Variants in SCGN observed in about 807,000 individuals in gnomAD.
SCGN encodes secretagogin.
In SCGN, 30 loss-of-function variants were observed where a neutral mutation model predicts 39.7. That is an observed-to-expected ratio of 0.76 (90% CI 0.57 to 1.03). The LOEUF (loss-of-function observed/expected upper bound fraction) is 1.03. SCGN is among the 50% of genes least tolerant of loss of function. The probability of loss-of-function intolerance (pLI) is 0.00; values close to 1 mark genes in which losing one functional copy is unlikely to be tolerated. For synonymous variants in SCGN, 106 were observed against 114.1 expected (o/e 0.93, Z 0.45); for missense variants, 353 against 349.4 (o/e 1.01, Z -0.08).
intron 6 of SCGN, among the ~76,000 whole-genome samples, chr6:25,680,064 C>A (rs1759619201): frequency 6.6e-6 from 1 of 152,046 alleles, no homozygotes; most frequent in South Asian, 2.1e-4. Flanking sequence ...ATTTTTTTTA[C>A]ATTATAAGGA....
Position 25,672,463 on chromosome 6 carries a change from G to A in SCGN, c.471+2387G>A, listed in dbSNP as rs1036931778. Among the ~76,000 whole-genome samples, 3 of 152,198 alleles carry A rather than the reference G, an allele frequency of 2.0e-5. No individual in the cohort carries two copies. The East Asian group carries it at 5.8e-4, about 29-fold the overall frequency. On this transcript the variant is annotated intron_variant, in intron 6 of 10. Coordinates refer to ENST00000377961, the MANE Select transcript of SCGN (RefSeq NM_006998.4). ...TGGGGTAGGGGACTGGGAAGAAGGGGTACTTTTCAATAAGATGGTCAGGGT... is the reference window on the plus strand; with the variant it reads ...TGGGGTAGGGGACTGGGAAGAAGGGATACTTTTCAATAAGATGGTCAGGGT...
Position 25,691,050 on chromosome 6 carries a change from T to G in SCGN, c.634-6T>G, listed in dbSNP as rs1285782873. 1 of 1,611,678 alleles carries G rather than the reference T, an allele frequency of 6.2e-7. No homozygotes were observed. The highest frequency in any genetic ancestry group is 8.5e-7 in the Non-Finnish European group (1 of 1,178,802). Reference sequence around the variant, plus strand: ...TATTTGGGCAATTGGATCTTTTCTTTTTCAGAGTAAAACAGGAGCCCTGGA... The same window carrying G: ...TATTTGGGCAATTGGATCTTTTCTTGTTCAGAGTAAAACAGGAGCCCTGGA... On this transcript the variant is annotated splice_polypyrimidine_tract_variant and splice_region_variant and intron_variant, in intron 9 of 10. Transcript: ENST00000377961.
At chr6:25,665,180 A>G in intron 4 of SCGN, 148 bp downstream of exon 4, 1 of 604,710 alleles carries the variant, frequency 1.7e-6, no homozygotes, top group Non-Finnish European at 2.9e-6. Flanking sequence ...TGCCTTAGTG[A>G]TGAGGACTTT....
intron 2 of SCGN, among the ~76,000 whole-genome samples, 160 bp downstream of exon 2, chr6:25,653,612 A>AG (rs1378141578): frequency 1.3e-5 from 2 of 152,176 alleles, no homozygotes; most frequent in African/African-American, 4.8e-5. Flanking sequence ...GGATTTAGGC[A>AG]GTTTTTATAA....
At chr6:25,678,822 T>C (rs1168236896) in intron 6 of SCGN, 1 of 154,264 alleles carries the variant, frequency 6.5e-6, no homozygotes, top group Non-Finnish European at 1.5e-5. Flanking sequence ...GCTCACTAGG[T>C]CCTTGGCCTT....
At position 25,701,312 on chromosome 6, in the gene SCGN, C is replaced by T. The variant is rs773878037; in HGVS notation, c.808C>T (p.Leu270Phe). ...TCAGAAGTCTGAGCTGGCTTTGTGT[C>T]TTGGGCTGAAAATCAACCCATAATC... ...KIQKSELALC[L>F]GLKINP The change falls in exon 11 of 11, where the codon CTT (leucine) becomes TTT (phenylalanine). Residue 270 changes from leucine (L) to phenylalanine (F), a missense_variant. By Grantham distance (22) the Leu-to-Phe change is conservative (BLOSUM62 0). Transcript: ENST00000377961. The T allele has an allele frequency of 5.0e-6, 8 of 1,612,754 alleles. No homozygotes were observed. Among genetic ancestry groups the T allele is most frequent in the Non-Finnish European group, 6.8e-6 (8 of 1,179,488 alleles).
At chr6:25,674,625 G>A (rs1247014610) in intron 6 of SCGN, among the ~76,000 whole-genome samples, 5 of 152,206 alleles carry the variant, frequency 3.3e-5, no homozygotes, top group Admixed American at 6.5e-5. Flanking sequence ...CTTAAGAGAT[G>A]TAACTTATTA....
intron 6 of SCGN, among the ~76,000 whole-genome samples, chr6:25,679,735 T>C (rs1398875659): frequency 3.9e-5 from 6 of 152,198 alleles, no homozygotes; most frequent in Non-Finnish European, 8.8e-5. Context: ...GAAGTTTATA[T>C]TTCTTTAGGG....
At chr6:25,678,726 G>A (rs1319163203) in intron 6 of SCGN, 1 of 152,264 alleles carries the variant, frequency 6.6e-6, no homozygotes, top group Non-Finnish European at 1.5e-5. Context: ...TTTGAACCAG[G>A]TCATCCGGAG....
chr6:25,665,555 A>T (rs1760409624), intron 4 of SCGN, among the ~76,000 whole-genome samples: 1 of 152,200 alleles, frequency 6.6e-6, no homozygotes, highest in East Asian at 1.9e-4. Flanking sequence ...GGCGGTATCA[A>T]TGGCCTCTCT....
chr6:25,695,053 G>GT (rs1004280661), intron 10 of SCGN, among the ~76,000 whole-genome samples: 1 of 152,116 alleles, frequency 6.6e-6, no homozygotes, highest in Non-Finnish European at 1.5e-5. Flanking sequence ...TTATCTTATA[G>GT]TTTTTTAATT....
Position 25,689,208 on chromosome 6 carries a change from T to A in SCGN, c.564T>A (p.Phe188Leu), listed in dbSNP as rs976372934. ...TTCAGGAAAACTTCCTTCTCCAATTTAAAATGGATGTAAGTAGTGACATTT... is the reference window on the plus strand; with the variant it reads ...TTCAGGAAAACTTCCTTCTCCAATTAAAAATGGATGTAAGTAGTGACATTT... ...LALQENFLLQ[F>L]KMDACSTEER... The change falls in exon 8 of 11, where the codon TTT becomes TTA. Residue 188 changes from phenylalanine to leucine, a missense_variant. By Grantham distance (22) the Phe-to-Leu change is conservative (BLOSUM62 0). Coordinates refer to ENST00000377961, the MANE Select transcript of SCGN (RefSeq NM_006998.4). 6.3e-7 allele frequency: 1 copy of A among 1,594,224 alleles called. No individual in the cohort carries two copies. Among genetic ancestry groups the A allele is most frequent in the Non-Finnish European group, 8.6e-7 (1 of 1,166,152 alleles).
At chr6:25,695,143 T>C (rs1386185266) in intron 10 of SCGN, among the ~76,000 whole-genome samples, 5 of 152,192 alleles carry the variant, frequency 3.3e-5, no homozygotes, top group Non-Finnish European at 5.9e-5. Context: ...TTCCCCAAGC[T>C]CTGAAAAATG....
At chr6:25,685,314 C>T (rs1303469441) in intron 7 of SCGN, among the ~76,000 whole-genome samples, 1 of 152,144 alleles carries the variant, frequency 6.6e-6, no homozygotes, top group Non-Finnish European at 1.5e-5. Flanking sequence ...TAAAACATTT[C>T]CAGATAGGAT....
At position 25,691,093 on chromosome 6, in the gene SCGN, G is replaced by A. The variant is rs752834379; in HGVS notation, c.671G>A (p.Gly224Glu). The A allele has an allele frequency of 6.2e-7, 1 of 1,613,784 alleles. No homozygotes were observed. The highest frequency in any genetic ancestry group is 8.5e-7 in the Non-Finnish European group (1 of 1,179,778). The change falls in exon 10 of 11, where the codon GGG becomes GAG. Residue 224 changes from glycine to glutamate, a missense_variant. Coordinates refer to ENST00000377961, the MANE Select transcript of SCGN (RefSeq NM_006998.4). ...GCCCTGGAAGGCCCAGAAGTGGATG[G>A]GTTTGTCAAAGACATGATGGAGCTT... ...TGALEGPEVD[G>E]FVKDMMELVQ...
chr6:25,697,456 G>T (rs1257482960), intron 10 of SCGN, among the ~76,000 whole-genome samples: 1 of 152,214 alleles, frequency 6.6e-6, no homozygotes, highest in African/African-American at 2.4e-5. Context: ...AGTTCCTCTA[G>T]TGGTCAGAAT....
At chr6:25,660,532 G>T (rs1233156491) in intron 2 of SCGN, among the ~76,000 whole-genome samples, 1 of 152,210 alleles carries the variant, frequency 6.6e-6, no homozygotes, top group Admixed American at 6.5e-5. Context: ...TTGCACCTGG[G>T]TTGTTCTGGC....
At chr6:25,694,495 G>C (rs1409305983) in intron 10 of SCGN, among the ~76,000 whole-genome samples, 1 of 152,168 alleles carries the variant, frequency 6.6e-6, no homozygotes, top group Non-Finnish European at 1.5e-5. Flanking sequence ...TAGCCTCTCT[G>C]TTTCTGTGGA....
At chr6:25,676,381 A>G (rs1225520162) in intron 6 of SCGN, among the ~76,000 whole-genome samples, 1 of 152,024 alleles carries the variant, frequency 6.6e-6, no homozygotes, top group East Asian at 1.9e-4. Flanking sequence ...TCTCACACCA[A>G]CTGCTCACAC....
Sources: gnomAD v4.1 joint callset for allele counts (sites outside exome capture counted in the v4.1 genomes callset) on GRCh38, gnomAD v4.1.1 for gene constraint, MANE v1.5 for transcripts, NCBI Gene and HGNC (gene_info 2026-07-23, HGNC 2026-07-21) for gene names.